Variants in PRMT3 observed in about 807,000 individuals in gnomAD.
PRMT3 encodes protein arginine methyltransferase 3.
PRMT3 carries 62 observed loss-of-function variants against 71.9 expected under a neutral mutation model. The ratio of observed to expected loss-of-function variants is 0.86; its 90% confidence interval spans 0.70 to 1.07. The LOEUF (loss-of-function observed/expected upper bound fraction) is 1.07. Ranked by LOEUF, PRMT3 falls within the 50% of genes least tolerant of loss-of-function variation. The pLI, the probability that PRMT3 is intolerant of heterozygous loss-of-function variation, is 0.00. For missense variants in PRMT3, 663 were observed against 643.0 expected (o/e 1.03, Z -0.34); for synonymous variants, 213 against 220.4 (o/e 0.97, Z 0.30).
At chr11:20,453,534 C>T (rs1850200901) in intron 11 of PRMT3, among the ~76,000 whole-genome samples, 1 of 151,432 alleles carries the variant, frequency 6.6e-6, no homozygotes, top group African/African-American at 2.4e-5. Context: ...GAAAATTCTC[C>T]AGAACAAGAG....
chr11:20,424,713 A>G (rs1849503841), intron 9 of PRMT3, among the ~76,000 whole-genome samples: 1 of 152,246 alleles, frequency 6.6e-6, no homozygotes, highest in Non-Finnish European at 1.5e-5. Context: ...TATTCAAAAC[A>G]TACCATTTAA....
rs1161984046 is a variant in PRMT3 at position 20,425,119 on chromosome 11, AAAAG to A, written c.894-1640_894-1637del. Among the ~76,000 whole-genome samples the A allele has an allele frequency of 2.0e-4, 31 of 152,216 alleles. 1 individual carries two copies. In the East Asian group the frequency reaches 4.2e-3, roughly 21 times the overall value. On this transcript the variant is annotated intron_variant, in intron 9 of 15. Transcript: ENST00000331079. ...AGACCCTGTCTTTAAAAAAAAAAAA[AAAAG>A]AAAGAATACAACTGACCTGATGTTT... is the stretch of plus-strand genomic sequence containing the variant.
At chr11:20,445,539 G>A (rs1850006761) in intron 10 of PRMT3, among the ~76,000 whole-genome samples, 1 of 151,992 alleles carries the variant, frequency 6.6e-6, no homozygotes, top group Non-Finnish European at 1.5e-5. Context: ...CTTTTTAGTT[G>A]TGAAATGTAC....
intron 10 of PRMT3, among the ~76,000 whole-genome samples, chr11:20,447,874 A>G (rs746528836): frequency 6.6e-6 from 1 of 152,136 alleles, no homozygotes; most frequent in Non-Finnish European, 1.5e-5. Context: ...TAAAGGATAT[A>G]GTTGGTTTTT....
intron 10 of PRMT3, among the ~76,000 whole-genome samples, chr11:20,438,401 G>A (rs1481024970): frequency 1.3e-5 from 2 of 152,126 alleles, no homozygotes; most frequent in African/African-American, 4.8e-5. Context: ...GAGCTCAGCT[G>A]TCATTTGGGC....
At chr11:20,489,824 C>T (rs2133447818) in intron 13 of PRMT3, among the ~76,000 whole-genome samples, 1 of 149,708 alleles carries the variant, frequency 6.7e-6, no homozygotes, top group South Asian at 2.1e-4. Flanking sequence ...CAACTGTTGT[C>T]CCAGCTACTC....
chr11:20,412,435 C>A (rs1184144266), intron 9 of PRMT3, among the ~76,000 whole-genome samples: 1 of 151,910 alleles, frequency 6.6e-6, no homozygotes, highest in Non-Finnish European at 1.5e-5. Flanking sequence ...TCAGAGAGTT[C>A]CTTAAAAGGA....
chr11:20,443,119 C>T (rs1849946688), intron 10 of PRMT3, among the ~76,000 whole-genome samples: 1 of 152,174 alleles, frequency 6.6e-6, no homozygotes, highest in South Asian at 2.1e-4. Flanking sequence ...CTCAGTCTTA[C>T]CAAAGAGTGT....
chr11:20,441,324 G>A (rs943779288), intron 10 of PRMT3, among the ~76,000 whole-genome samples: 1 of 147,778 alleles, frequency 6.8e-6, no homozygotes, highest in Admixed American at 6.7e-5. Flanking sequence ...TATATATTTT[G>A]AGATGGAGTC....
At chr11:20,410,588 T>A (rs1849173787) in intron 9 of PRMT3, among the ~76,000 whole-genome samples, 1 of 152,116 alleles carries the variant, frequency 6.6e-6, no homozygotes, top group Admixed American at 6.5e-5. Context: ...TTCACAGTAA[T>A]TCTATCCAGA....
chr11:20,417,032 A>G (rs1290635970), intron 9 of PRMT3, among the ~76,000 whole-genome samples: 2 of 151,926 alleles, frequency 1.3e-5, no homozygotes, highest in Non-Finnish European at 2.9e-5. Context: ...CACTTTGTAA[A>G]CCTCTTGACT....
chr11:20,446,693 A>C (rs201477378), intron 10 of PRMT3, among the ~76,000 whole-genome samples: 1 of 152,176 alleles, frequency 6.6e-6, no homozygotes, highest in East Asian at 1.9e-4. Context: ...CCTTTAATCC[A>C]AGAATTCTAC....
At chr11:20,504,707 TGAGAGA>T (rs57201745) in intron 15 of PRMT3, among the ~76,000 whole-genome samples, 35,861 of 133,358 alleles carry the variant, frequency 0.27, 4,999 homozygotes, top group Non-Finnish European at 0.33. Flanking sequence ...TGTGTGTGTG[TGAGAGA>T]GAGAGAGAGA....
chr11:20,437,264 A>G (rs1441083701), intron 10 of PRMT3, among the ~76,000 whole-genome samples: 4 of 151,136 alleles, frequency 2.6e-5, no homozygotes, highest in Non-Finnish European at 4.4e-5. Flanking sequence ...AATTTTGTTC[A>G]TTTCTGCTCT....
At chr11:20,479,163 T>C (rs1301198932) in intron 13 of PRMT3, among the ~76,000 whole-genome samples, 3 of 152,130 alleles carry the variant, frequency 2.0e-5, no homozygotes, top group African/African-American at 4.8e-5. Context: ...TGAATGACCA[T>C]GTGGTCTAAA....
chr11:20,473,431 C>CT (rs1850700972), intron 13 of PRMT3, among the ~76,000 whole-genome samples: 1 of 152,074 alleles, frequency 6.6e-6, no homozygotes, highest in Admixed American at 6.6e-5. Context: ...TATGTTGTCT[C>CT]TTTGTTCTCA....
chr11:20,388,086 C>T lies in PRMT3; in HGVS notation c.96C>T (p.Ala32=). 1 of 1,614,064 alleles carries T rather than the reference C, an allele frequency of 6.2e-7. No homozygotes were observed. The highest frequency in any genetic ancestry group is 1.7e-4 in the Middle Eastern group (1 of 6,060). The change falls in exon 2 of 16, where the codon GCC becomes GCT. Residue 32 remains alanine (A), a synonymous_variant. Coordinates refer to ENST00000331079, the MANE Select transcript of PRMT3 (RefSeq NM_005788.4). ...TGTCGGACAGCGGGGACGAGGCCGC[C>T]TGGGAGGATGAGGACGATGCAGATC... ...PELSDSGDEA[A]WEDEDDADLP...
rs369493827 is a variant in PRMT3 at position 20,420,476 on chromosome 11, G to A, written c.894-6290G>A. On this transcript the variant is annotated intron_variant, in intron 9 of 15. Coordinates refer to ENST00000331079, the MANE Select transcript of PRMT3 (RefSeq NM_005788.4). ...CCACACAGCAGGAGGTGAGCAGTGGGTGAGTGAACATAATCGTCTGAGCGC... is the reference window on the plus strand; with the variant it reads ...CCACACAGCAGGAGGTGAGCAGTGGATGAGTGAACATAATCGTCTGAGCGC... Among the ~76,000 whole-genome samples the A allele has an allele frequency of 1.7e-4, 26 of 152,318 alleles. No homozygotes were observed. In the East Asian group the frequency reaches 3.1e-3, roughly 18 times the overall value.
intron 11 of PRMT3, among the ~76,000 whole-genome samples, chr11:20,460,310 T>C (rs911631735): frequency 1.3e-5 from 2 of 152,236 alleles, no homozygotes; most frequent in Admixed American, 6.5e-5. Context: ...ATTTTGCTGA[T>C]ATGGGAACAT....
Sources: allele counts gnomAD v4.1 joint callset (sites outside exome capture counted in the v4.1 genomes callset), GRCh38; gene constraint gnomAD v4.1.1; transcripts MANE v1.5; gene names NCBI Gene and HGNC (gene_info 2026-07-23, HGNC 2026-07-21).